EYA2: variants seen among roughly 807,000 people sequenced by gnomAD.
EYA2 encodes the protein protein phosphatase EYA2.
Under a neutral mutation model 69.2 loss-of-function variants are expected in EYA2, and 31 were observed. That is an observed-to-expected ratio of 0.45 (90% CI 0.34 to 0.60). The LOEUF (loss-of-function observed/expected upper bound fraction) is 0.60. Ranked by LOEUF, EYA2 falls within the 20% of genes least tolerant of loss-of-function variation. EYA2 has a pLI of 0.02. For synonymous variants in EYA2, 257 were observed against 279.4 expected (o/e 0.92, Z 0.80); for missense variants, 622 against 701.2 (o/e 0.89, Z 1.28).
intron 1 of EYA2, among the ~76,000 whole-genome samples, chr20:46,942,748 TC>T (rs1261630098): frequency 6.6e-6 from 1 of 152,066 alleles, no homozygotes; most frequent in Non-Finnish European, 1.5e-5. Flanking sequence ...TTGGGAGGGT[TC>T]TCTGTTTTGT....
intron 7 of EYA2, among the ~76,000 whole-genome samples, chr20:47,080,562 CAGA>C (rs2031676250): frequency 6.6e-6 from 1 of 151,682 alleles, no homozygotes; most frequent in South Asian, 2.1e-4. Flanking sequence ...GGAATAAGTT[CAGA>C]AGAACTATTG....
At chr20:47,056,485 A>G (rs2030617720) in intron 5 of EYA2, among the ~76,000 whole-genome samples, 1 of 152,174 alleles carries the variant, frequency 6.6e-6, no homozygotes, top group Non-Finnish European at 1.5e-5. Flanking sequence ...ACAAAAAATT[A>G]TCACCGTAGC....
chr20:47,070,800 TG>T (rs1490777078), intron 5 of EYA2, among the ~76,000 whole-genome samples: 7 of 152,232 alleles, frequency 4.6e-5, no homozygotes, highest in African/African-American at 1.4e-4. Context: ...GTAAATTTTA[TG>T]TTGTATATAT....
At chr20:46,925,259 G>A (rs1333195151) in intron 1 of EYA2, among the ~76,000 whole-genome samples, 1 of 152,140 alleles carries the variant, frequency 6.6e-6, no homozygotes, top group Non-Finnish European at 1.5e-5. Context: ...ATGTCCTTTG[G>A]CGGAACACAA....
At position 46,990,020 on chromosome 20, in the gene EYA2, C is replaced by T; in HGVS notation, c.10C>T (p.Leu4=). The change falls in exon 2 of 16, where the codon CTA becomes TTA. Residue 4 remains leucine, a synonymous_variant. Transcript: ENST00000327619. The part of the protein sequence containing the change: MVE[L]VISPSLTVNS... The stretch of plus-strand genomic sequence containing the variant: ...TTTCAGGTACAAGGAAATGGTAGAA[C>T]TAGTGATCTCACCCAGCCTCACTGT... The T allele has an allele frequency of 6.3e-7, 1 of 1,589,262 alleles. No homozygotes were observed. The highest frequency in any genetic ancestry group is 8.6e-7 in the Non-Finnish European group (1 of 1,157,566).
chr20:47,093,448 A>G (rs2032147875), intron 8 of EYA2, among the ~76,000 whole-genome samples: 1 of 152,200 alleles, frequency 6.6e-6, no homozygotes, highest in Non-Finnish European at 1.5e-5. Context: ...GCTGTCTCAC[A>G]TTGTCCACCT....
intron 10 of EYA2, among the ~76,000 whole-genome samples, chr20:47,145,484 G>A (rs1251867378): frequency 6.6e-6 from 1 of 152,170 alleles, no homozygotes; most frequent in Non-Finnish European, 1.5e-5. Flanking sequence ...AGCAATCGAA[G>A]CTCATTCTAA....
At chr20:46,989,853 T>G in intron 1 of EYA2, 148 bp from the exon 2 acceptor site, 1 of 468,622 alleles carries the variant, frequency 2.1e-6, no homozygotes, top group Non-Finnish European at 4.0e-6. Flanking sequence ...GATGAAAAGT[T>G]GAGTGAATTT....
intron 5 of EYA2, among the ~76,000 whole-genome samples, chr20:47,057,333 T>C (rs1212737187): frequency 1.3e-5 from 2 of 152,154 alleles, no homozygotes; most frequent in African/African-American, 4.8e-5. Flanking sequence ...CCACTTTGTA[T>C]TCTGGGTAAA....
chr20:46,913,575 A>C (rs1984753687), intron 1 of EYA2, among the ~76,000 whole-genome samples: 1 of 118,316 alleles, frequency 8.5e-6, no homozygotes, highest in South Asian at 3.1e-4. Flanking sequence ...AACCGTTAAG[A>C]GACTGTTCAG....
At chr20:47,079,965 G>A (rs1409971970) in intron 7 of EYA2, among the ~76,000 whole-genome samples, 1 of 152,178 alleles carries the variant, frequency 6.6e-6, no homozygotes, top group Admixed American at 6.5e-5. Flanking sequence ...ACAAGATCTG[G>A]AGTGAAAGGA....
At chr20:47,074,100 G>A (rs1457688993) in intron 6 of EYA2, 58 bp from the exon 7 acceptor site, 10 of 1,471,020 alleles carry the variant, frequency 6.8e-6, no homozygotes, top group African/African-American at 5.6e-5. Context: ...GCTGACCAAC[G>A]GCCCGAGCCC....
At chr20:47,039,305 A>G (rs1223738111) in intron 5 of EYA2, among the ~76,000 whole-genome samples, 4 of 152,178 alleles carry the variant, frequency 2.6e-5, no homozygotes, top group Non-Finnish European at 2.9e-5. Flanking sequence ...GAAGAATAAT[A>G]TTTCATGGCA....
chr20:46,929,584 C>T (rs570805669), intron 1 of EYA2, among the ~76,000 whole-genome samples: 11 of 151,930 alleles, frequency 7.2e-5, no homozygotes, highest in African/African-American at 1.5e-4. Context: ...AAGCAGAGCC[C>T]GGGTGATGAT....
chr20:46,941,157 G>T (rs6124901), intron 1 of EYA2, among the ~76,000 whole-genome samples: 35,231 of 152,120 alleles, frequency 0.23, 5,239 homozygotes, highest in Admixed American at 0.35. Flanking sequence ...GGGCTGTCTT[G>T]GAATCCCACA....
rs370705343 is a variant in EYA2 at position 47,130,330 on chromosome 20, T to C, written c.889-12729T>C. Among the ~76,000 whole-genome samples the C allele has an allele frequency of 5.2e-4, 66 of 126,730 alleles. 1 individual carries two copies. The highest frequency in any genetic ancestry group is 1.9e-3 in the African/African-American group (61 of 32,260). 83.1% of individuals were successfully genotyped at this position (126,730 alleles called of 152,430 possible). On this transcript the variant is annotated intron_variant, in intron 9 of 15. Transcript: ENST00000327619. ...CCCAGGTGGGAGTGCAGTGGCACAA[T>C]CTCGGCTCACTGCAAGCTCCGCCTC...
chr20:46,961,031 A>G (rs1377144996), intron 1 of EYA2, among the ~76,000 whole-genome samples: 1 of 152,174 alleles, frequency 6.6e-6, no homozygotes, highest in East Asian at 1.9e-4. Context: ...GGCCAGTCCT[A>G]TTATCAAAAA....
chr20:47,039,820 T>C (rs1031486057), intron 5 of EYA2, among the ~76,000 whole-genome samples: 1 of 148,598 alleles, frequency 6.7e-6, no homozygotes, highest in Non-Finnish European at 1.5e-5. Context: ...ATAGGGTCAT[T>C]GTGAAGATCA....
At chr20:46,949,873 G>A (rs1197286523) in intron 1 of EYA2, among the ~76,000 whole-genome samples, 1 of 152,214 alleles carries the variant, frequency 6.6e-6, no homozygotes, top group African/African-American at 2.4e-5. Flanking sequence ...TTTGGCAAGG[G>A]TCCCAACCCC....
Sources: allele counts gnomAD v4.1 joint callset (sites outside exome capture counted in the v4.1 genomes callset), GRCh38; gene constraint gnomAD v4.1.1; transcripts MANE v1.5; gene names NCBI Gene and HGNC (gene_info 2026-07-23, HGNC 2026-07-21).